CCNYL1: variants seen among roughly 807,000 people sequenced by gnomAD.
The protein encoded by CCNYL1 is cyclin-Y-like protein 1.
A neutral mutation model predicts 44.2 loss-of-function variants in CCNYL1; 16 were observed. The ratio of observed to expected loss-of-function variants is 0.36; its 90% CI spans 0.25 to 0.55. The LOEUF (loss-of-function observed/expected upper bound fraction) is 0.55. Ranked by LOEUF, CCNYL1 falls within the 20% of genes least tolerant of loss-of-function variation. The pLI is 0.85. For synonymous variants in CCNYL1, 159 were observed against 163.2 expected, an observed-to-expected ratio of 0.97 and a Z score of 0.20; for missense variants, 348 against 451.8, an observed-to-expected ratio of 0.77 and a Z score of 2.08.
chr2:207,746,461 A>G (rs982785102), intron 7 of CCNYL1, among the ~76,000 whole-genome samples: 5 of 152,160 alleles, frequency 3.3e-5, no homozygotes, highest in African/African-American at 7.2e-5. Flanking sequence ...TGGAGGTGAT[A>G]AGAGTGCCTC....
chr2:207,735,796 G>A (rs187246026), intron 4 of CCNYL1, among the ~76,000 whole-genome samples: 3 of 152,128 alleles, frequency 2.0e-5, no homozygotes, highest in African/African-American at 7.2e-5. Flanking sequence ...TCCGGGAAGC[G>A]GAGGTTGCAG....
At position 207,755,226 on chromosome 2, in the gene CCNYL1, TAAA is replaced by T. The variant is rs1203533163; in HGVS notation, c.*1531_*1533del. On this transcript the variant is annotated 3_prime_UTR_variant, in exon 10 of 10. Transcript: ENST00000295414. Reference sequence around the variant, plus strand: ...AGACCCTGCCTGTAAAAAAAAATAATAAAAATAGTTGGATATGGTGGCATGTGT... The same window carrying T: ...AGACCCTGCCTGTAAAAAAAAATAATAATAGTTGGATATGGTGGCATGTGT... 1 of 151,548 alleles carries T rather than the reference TAAA, an allele frequency of 6.6e-6. No individual in the cohort carries two copies. The highest frequency in any genetic ancestry group is 1.5e-5 in the Non-Finnish European group (1 of 67,948). 9.4% of individuals were successfully genotyped at this position (151,548 alleles called of 1,614,324 possible).
chr2:207,753,409 T>C (rs1389538973), intron 9 of CCNYL1, among the ~76,000 whole-genome samples, 179 bp from the exon 10 acceptor site: 2 of 152,230 alleles, frequency 1.3e-5, no homozygotes, highest in South Asian at 4.1e-4. Context: ...GGATATTACC[T>C]TGGTGAACTG....
rs745871587 is a variant in CCNYL1 at position 207,713,639 on chromosome 2, AG to A, written c.220+1524del. Among the ~76,000 whole-genome samples the A allele has an allele frequency of 4.6e-5, 7 of 152,254 alleles. No individual in the cohort carries two copies. The East Asian group carries it at 1.2e-3, about 25-fold the overall frequency. On this transcript the variant is annotated intron_variant, in intron 1 of 9. Coordinates refer to ENST00000295414, the MANE Select transcript of CCNYL1 (RefSeq NM_001330218.2). ...GGCTCATTTGTTTCGTATAAATGCC[AG>A]AGATTTCATTACTATAGAAGAAATG...
At chr2:207,718,071 A>AT (rs1405424657) in intron 1 of CCNYL1, among the ~76,000 whole-genome samples, 3 of 151,330 alleles carry the variant, frequency 2.0e-5, no homozygotes, top group Non-Finnish European at 1.5e-5. Flanking sequence ...CACCCGGCTC[A>AT]TTTTTTGTAT....
chr2:207,742,011 C>T (rs552747674), intron 6 of CCNYL1, among the ~76,000 whole-genome samples: 2 of 151,382 alleles, frequency 1.3e-5, no homozygotes, highest in East Asian at 1.9e-4. Context: ...ACTAGCTGGG[C>T]GTGGTGGCGG....
At chr2:207,717,135 T>C (rs1220107208) in intron 1 of CCNYL1, among the ~76,000 whole-genome samples, 2 of 151,900 alleles carry the variant, frequency 1.3e-5, no homozygotes, top group East Asian at 1.9e-4. Flanking sequence ...AAAGTTCTTA[T>C]GTCAAATTGG....
chr2:207,734,025 A>C lies in CCNYL1; in HGVS notation c.409A>C (p.Asn137His), dbSNP rs1298537052. The C allele has an allele frequency of 8.1e-6, 13 of 1,613,118 alleles. No homozygotes were observed. The highest frequency in any genetic ancestry group is 1.1e-5 in the Non-Finnish European group (13 of 1,179,232). ...FLDDSTVSQP[N>H]LRTTVKCVTL... ...AGATGACAGCACAGTCAGCCAGCCT[A>C]ATCTTAGAACCACAGTAAAATGGTG... The change falls in exon 4 of 10, where the codon AAT becomes CAT. Residue 137 changes from asparagine (N) to histidine (H), a missense_variant. By Grantham distance (68) the Asn-to-His change is moderately conservative. Transcript: ENST00000295414.
chr2:207,720,407 T>C (rs2105819610), intron 1 of CCNYL1, among the ~76,000 whole-genome samples: 1 of 151,862 alleles, frequency 6.6e-6, no homozygotes, highest in African/African-American at 2.4e-5. Context: ...TTTTTTTTTT[T>C]TCTTTTCTCT....
At chr2:207,744,997 G>C (rs1004757729) in intron 7 of CCNYL1, among the ~76,000 whole-genome samples, 1 of 152,160 alleles carries the variant, frequency 6.6e-6, no homozygotes, top group South Asian at 2.1e-4. Flanking sequence ...GGGAAGACTT[G>C]GGGAGTGGAG....
At chr2:207,747,637 C>A (rs1037152319) in intron 8 of CCNYL1, among the ~76,000 whole-genome samples, 1 of 152,216 alleles carries the variant, frequency 6.6e-6, no homozygotes, top group Non-Finnish European at 1.5e-5. Context: ...CAAGCTCCAC[C>A]TCCCAGGTTC....
In CCNYL1 at chr2:207,742,235, C is replaced by T. The variant is rs1438746028; in HGVS notation, c.532C>T (p.Pro178Ser). Reference protein sequence around the residue: ...RSHPLTREKVPEEYFKHDPEH... With the variant: ...RSHPLTREKVSEEYFKHDPEH... ...TTTCTTCTTTCAGCGAGAAAAAGTT[C>T]CAGAGGAATACTTTAAGCATGATCC... The change falls in exon 7 of 10, where the codon CCA becomes TCA. Residue 178 changes from proline to serine, a missense_variant. By Grantham distance (74) the Pro-to-Ser change is moderately conservative (BLOSUM62 -1). Around this residue, in one of 3 missense-constraint regions of CCNYL1, gnomAD observed 209 missense variants for 247.7 expected, o/e 0.84. Coordinates refer to ENST00000295414, the MANE Select transcript of CCNYL1 (RefSeq NM_001330218.2). 10 of 1,604,066 alleles carry T rather than the reference C, an allele frequency of 6.2e-6. No individual in the cohort carries two copies. The highest frequency in any genetic ancestry group is 8.5e-6 in the Non-Finnish European group (10 of 1,176,372).
At chr2:207,721,353 C>A (rs1176340904) in intron 1 of CCNYL1, among the ~76,000 whole-genome samples, 2 of 152,168 alleles carry the variant, frequency 1.3e-5, no homozygotes, top group Non-Finnish European at 2.9e-5. Context: ...AAAATAATTT[C>A]TTTACAGTTT....
intron 1 of CCNYL1, chr2:207,714,491 G>A: frequency 1.6e-5 from 5 of 312,166 alleles, no homozygotes; most frequent in South Asian, 2.6e-5. Context: ...TCATTTCAGT[G>A]GATAAGAATA....
chr2:207,740,741 C>G (rs774153941), intron 6 of CCNYL1, 35 bp downstream of exon 6: 1 of 1,367,366 alleles, frequency 7.3e-7, no homozygotes, highest in Non-Finnish European at 1.0e-6. Context: ...GTATTTTTCT[C>G]TCATAGAGTT....
At chr2:207,725,026 C>G (rs1186499849) in intron 2 of CCNYL1, 152 bp downstream of exon 2, 2 of 601,268 alleles carry the variant, frequency 3.3e-6, no homozygotes, top group Non-Finnish European at 5.7e-6. Context: ...GATATACTTT[C>G]CTTTAGTTGT....
intron 6 of CCNYL1, among the ~76,000 whole-genome samples, chr2:207,741,250 C>G (rs887902625): frequency 7.0e-6 from 1 of 143,268 alleles, no homozygotes; most frequent in African/African-American, 2.8e-5. Context: ...GAGACTCCAT[C>G]TCAAAAAAAA....
At chr2:207,738,879 C>T (rs1448884093) in intron 5 of CCNYL1, among the ~76,000 whole-genome samples, 1 of 151,970 alleles carries the variant, frequency 6.6e-6, no homozygotes, top group Non-Finnish European at 1.5e-5. Context: ...ACCACCATAC[C>T]AGCTAATTTT....
At chr2:207,712,724 C>T (rs1054790005) in intron 1 of CCNYL1, among the ~76,000 whole-genome samples, 1 of 152,116 alleles carries the variant, frequency 6.6e-6, no homozygotes, top group African/African-American at 2.4e-5. Flanking sequence ...TTATTCCTTC[C>T]AACTATAATT....
Sources: gnomAD v4.1 joint callset for allele counts (sites outside exome capture counted in the v4.1 genomes callset) on GRCh38, gnomAD v4.1.1 for gene constraint, gnomAD v4.1.1 regional missense constraint, MANE v1.5 for transcripts, NCBI Gene and HGNC (gene_info 2026-07-23, HGNC 2026-07-21) for gene names.